The following LRCH1 variants were observed in gnomAD, a reference collection of about 807,000 sequenced individuals.
The protein encoded by LRCH1 is leucine-rich repeat and calponin homology domain-containing protein 1.
Under a neutral mutation model 94.9 loss-of-function variants are expected in LRCH1, and 23 were observed. The observed-to-expected ratio is 0.24, with a 90% CI of 0.17 to 0.34. LRCH1 has a LOEUF of 0.34. Ranked by LOEUF, LRCH1 falls within the 10% of genes least tolerant of loss-of-function variation. The pLI, the probability that LRCH1 is intolerant of heterozygous loss-of-function variation, is 1.00. For missense variants in LRCH1, 790 were observed against 945.9 expected (o/e 0.84, Z 2.16); for synonymous variants, 364 against 354.9 (o/e 1.03, Z -0.29).
chr13:46,626,850 C>G (rs1228543243), intron 1 of LRCH1, among the ~76,000 whole-genome samples: 1 of 152,010 alleles, frequency 6.6e-6, no homozygotes, highest in Non-Finnish European at 1.5e-5. Context: ...CCGGTTTATG[C>G]AAGATTTTTT....
chr13:46,685,761 A>G, intron 4 of LRCH1, 144 bp from the exon 5 acceptor site: 1 of 568,260 alleles, frequency 1.8e-6, no homozygotes, highest in Non-Finnish European at 3.0e-6. Context: ...CACACCATGT[A>G]TTCCTAATGT....
chr13:46,643,272 C>G (rs2051181046), intron 1 of LRCH1, among the ~76,000 whole-genome samples: 1 of 152,122 alleles, frequency 6.6e-6, no homozygotes, highest in African/African-American at 2.4e-5. Context: ...CTTCATTACT[C>G]ACAACTTGAT....
rs554461978 is a variant in LRCH1 at position 46,712,306 on chromosome 13, A to G, written c.1582-219A>G. Among the ~76,000 whole-genome samples the G allele has an allele frequency of 2.6e-5, 4 of 152,338 alleles. No homozygotes were observed. The South Asian group carries it at 8.3e-4, about 32-fold the overall frequency. ...TAATTGTAAAATGTTCTTAAAATGG[A>G]CAAAACAAATTGAGTGGGTCACTCT... On this transcript the variant is annotated intron_variant, in intron 14 of 19. Coordinates refer to ENST00000389797, the MANE Select transcript of LRCH1 (RefSeq NM_001164211.2).
intron 1 of LRCH1, among the ~76,000 whole-genome samples, chr13:46,647,275 A>G (rs1017419837): frequency 3.3e-5 from 5 of 151,726 alleles, no homozygotes; most frequent in Non-Finnish European, 5.9e-5. Context: ...TGGCCTCAGC[A>G]TTACAATGTG....
At chr13:46,628,264 A>G (rs1203744324) in intron 1 of LRCH1, among the ~76,000 whole-genome samples, 1 of 152,148 alleles carries the variant, frequency 6.6e-6, no homozygotes, top group African/African-American at 2.4e-5. Context: ...GAGGCTGGTG[A>G]GTACTGGGAG....
At chr13:46,575,510 ATGTGTGTGTGTGTGTG>A (rs59582784) in intron 1 of LRCH1, among the ~76,000 whole-genome samples, 1 of 143,274 alleles carries the variant, frequency 7.0e-6, no homozygotes, top group African/African-American at 2.6e-5. Context: ...CTGTGCATGA[ATGTGTGTGTGTGTGTG>A]TGTGTGTGTG....
Position 46,665,264 on chromosome 13 carries a change from A to C in LRCH1, c.453-3766A>C, listed in dbSNP as rs142713198. ...TGATAAACCAATAATAAATAATATC[A>C]GATACTAAGATTGAGACTCAAACTA... On this transcript the variant is annotated intron_variant, in intron 2 of 19. Transcript: ENST00000389797. Among the ~76,000 whole-genome samples the C allele has an allele frequency of 1.8e-3, 274 of 152,314 alleles. 4 individuals carry two copies. Among genetic ancestry groups the C allele is most frequent in the East Asian group, 5.6e-3 (29 of 5,186 alleles).
chr13:46,664,559 G>A (rs948033119), intron 2 of LRCH1, among the ~76,000 whole-genome samples: 4 of 152,176 alleles, frequency 2.6e-5, no homozygotes, highest in African/African-American at 9.7e-5. Flanking sequence ...TTAGGTTTGT[G>A]TAAGTACTTT....
At chr13:46,669,978 T>A (rs1012340495) in intron 3 of LRCH1, among the ~76,000 whole-genome samples, 1 of 152,202 alleles carries the variant, frequency 6.6e-6, no homozygotes, top group Non-Finnish European at 1.5e-5. Context: ...AGAACAATGA[T>A]GGCCAATAAG....
intron 1 of LRCH1, among the ~76,000 whole-genome samples, chr13:46,626,211 T>TG (rs1433092680): frequency 6.6e-6 from 1 of 152,188 alleles, no homozygotes; most frequent in African/African-American, 2.4e-5. Context: ...TGTGCAAAGG[T>TG]GGGTGGTAAT....
At chr13:46,645,378 A>C (rs1263079407) in intron 1 of LRCH1, among the ~76,000 whole-genome samples, 4 of 152,258 alleles carry the variant, frequency 2.6e-5, no homozygotes, top group Non-Finnish European at 5.9e-5. Flanking sequence ...TGTCAAATTC[A>C]TTAAAATAAT....
At chr13:46,622,552 C>G (rs1421263312) in intron 1 of LRCH1, among the ~76,000 whole-genome samples, 1 of 152,168 alleles carries the variant, frequency 6.6e-6, no homozygotes, top group East Asian at 1.9e-4. Flanking sequence ...CACTCTTTTC[C>G]TGCTTCCATG....
At chr13:46,734,217 TA>T (rs1212441935) in intron 19 of LRCH1, among the ~76,000 whole-genome samples, 4 of 152,158 alleles carry the variant, frequency 2.6e-5, no homozygotes, top group Non-Finnish European at 4.4e-5. Context: ...AAAAGGGAAA[TA>T]ATTTAAGATT....
chr13:46,697,712 T>A (rs1381930861), intron 9 of LRCH1, among the ~76,000 whole-genome samples: 2 of 152,190 alleles, frequency 1.3e-5, no homozygotes, highest in Non-Finnish European at 2.9e-5. Context: ...ACTCTGTAGA[T>A]GTCTGCAGAT....
chr13:46,697,267 C>A lies in LRCH1; in HGVS notation c.1246-2069C>A, dbSNP rs118012260. On this transcript the variant is annotated intron_variant, in intron 9 of 19. Transcript: ENST00000389797. ...GGGTTCCTGCACCCTCTGCTCACAA[C>A]GTTTTTGTCAACCAATCAGCACACA... Among the ~76,000 whole-genome samples the A allele has an allele frequency of 2.6e-5, 4 of 152,134 alleles. No homozygotes were observed. The South Asian group carries it at 8.3e-4, about 32-fold the overall frequency.
At chr13:46,628,042 T>C (rs1288550000) in intron 1 of LRCH1, among the ~76,000 whole-genome samples, 1 of 152,084 alleles carries the variant, frequency 6.6e-6, no homozygotes, top group African/African-American at 2.4e-5. Context: ...GTCTGGCTTA[T>C]GGGAAATATT....
At chr13:46,619,598 G>C (rs9526202) in intron 1 of LRCH1, among the ~76,000 whole-genome samples, 9,052 of 152,282 alleles carry the variant, frequency 0.059, 450 homozygotes, top group East Asian at 0.25. Context: ...GAAGATACTT[G>C]ATTAGAGAAA....
chr13:46,676,218 G>T (rs1008828965), intron 3 of LRCH1, among the ~76,000 whole-genome samples: 1 of 151,778 alleles, frequency 6.6e-6, no homozygotes, highest in South Asian at 2.1e-4. Context: ...CCGAGATTGC[G>T]CCACCGCACT....
At chr13:46,634,167 C>T (rs986501538) in intron 1 of LRCH1, among the ~76,000 whole-genome samples, 2 of 152,078 alleles carry the variant, frequency 1.3e-5, no homozygotes, top group Non-Finnish European at 2.9e-5. Context: ...CGTGAGCCAC[C>T]GCGCCCAGCC....
Sources: gnomAD v4.1 joint callset for allele counts (sites outside exome capture counted in the v4.1 genomes callset) on GRCh38, gnomAD v4.1.1 for gene constraint, MANE v1.5 for transcripts, NCBI Gene and HGNC (gene_info 2026-07-23, HGNC 2026-07-21) for gene names.